Variants in PRKN observed in about 807,000 individuals in gnomAD.
PRKN encodes parkin RBR E3 ubiquitin protein ligase, also known as E3 ubiquitin-protein ligase parkin.
A neutral mutation model predicts 59.5 loss-of-function variants in PRKN; 56 were observed. The ratio of observed to expected loss-of-function variants is 0.94; its 90% CI spans 0.76 to 1.18. The LOEUF is 1.18. Ranked by LOEUF, PRKN falls within the 50% of genes most tolerant of loss-of-function variation. The pLI, the probability that PRKN is intolerant of heterozygous loss-of-function variation, is 0.00. For missense variants in PRKN, 657 were observed against 596.4 expected (o/e 1.10, Z -1.06); for synonymous variants, 250 against 222.1 (o/e 1.13, Z -1.12).
intron 4 of PRKN, among the ~76,000 whole-genome samples, chr6:162,177,653 A>T (rs773131087): frequency 6.6e-6 from 1 of 152,196 alleles, no homozygotes; most frequent in Non-Finnish European, 1.5e-5. Context: ...AAGCGAAAAA[A>T]AAAATAAAAG....
At chr6:161,684,745 T>C (rs1785492369) in intron 7 of PRKN, among the ~76,000 whole-genome samples, 1 of 152,114 alleles carries the variant, frequency 6.6e-6, no homozygotes, top group Admixed American at 6.5e-5. Flanking sequence ...CAACAATTAT[T>C]TCACTAAAGT....
intron 7 of PRKN, among the ~76,000 whole-genome samples, chr6:161,599,035 G>A (rs1782016832): frequency 6.6e-6 from 1 of 152,148 alleles, no homozygotes; most frequent in Non-Finnish European, 1.5e-5. Flanking sequence ...CTGTCTGAGT[G>A]ATGCAGCCAC....
chr6:161,973,263 C>A, intron 6 of PRKN, 39 bp downstream of exon 6: 2 of 1,300,236 alleles, frequency 1.5e-6, no homozygotes, highest in African/African-American at 1.5e-5. Context: ...CCTTACCTCA[C>A]GTCCGTGGAG....
intron 9 of PRKN, among the ~76,000 whole-genome samples, chr6:161,403,496 A>C (rs1226840375): frequency 6.6e-6 from 1 of 152,126 alleles, no homozygotes; most frequent in Non-Finnish European, 1.5e-5. Flanking sequence ...TATTGTTCCA[A>C]ATCAAATCAT....
chr6:161,614,944 G>A (rs539014491), intron 7 of PRKN, among the ~76,000 whole-genome samples: 2 of 144,484 alleles, frequency 1.4e-5, no homozygotes, highest in African/African-American at 2.7e-5. Context: ...CTTATTTTTA[G>A]TTTTCTGGGA....
At position 161,369,116 on chromosome 6, in the gene PRKN, C is replaced by G. The variant is rs549137965; in HGVS notation, c.1168-8911G>C. Among the ~76,000 whole-genome samples, 1 of 152,158 alleles carries G rather than the reference C, an allele frequency of 6.6e-6. No homozygotes were observed. Among genetic ancestry groups the G allele is most frequent in the East Asian group, 1.9e-4 (1 of 5,174 alleles). ...GGTTTAGACCTTTGACTGCCACTTCCGAGAGGGGATTTCTACCAGGAGGAG... is the reference window on the plus strand; with the variant it reads ...GGTTTAGACCTTTGACTGCCACTTCGGAGAGGGGATTTCTACCAGGAGGAG... On this transcript the variant is annotated intron_variant, in intron 10 of 11. Coordinates refer to ENST00000366898, the MANE Select transcript of PRKN (RefSeq NM_004562.3). The surrounding 1 kb of genome is among the most constrained non-coding windows in gnomAD (Gnocchi z 5.8).
rs555620366 is a variant in PRKN, at chr6:162,512,271, G to C, written c.8-68798C>G. 2.6e-5 allele frequency among the ~76,000 whole-genome samples: 4 copies of C among 152,176 alleles called. No homozygotes were observed. In the East Asian group the frequency reaches 7.7e-4, roughly 29 times the overall value. On this transcript the variant is annotated intron_variant, in intron 1 of 11. Transcript: ENST00000366898. The stretch of plus-strand genomic sequence containing the variant: ...GATCTGCTAATATGGTCATGGGAGG[G>C]GTGGAAATCAAGCATTAACTATGGA...
intron 7 of PRKN, among the ~76,000 whole-genome samples, chr6:161,666,954 AG>A (rs1480736885): frequency 2.6e-5 from 4 of 152,282 alleles, no homozygotes; most frequent in African/African-American, 9.6e-5. Context: ...TCTGTGCAAG[AG>A]CCAGGCACAT....
chr6:161,537,663 G>A (rs958477019), intron 9 of PRKN, among the ~76,000 whole-genome samples: 2 of 152,114 alleles, frequency 1.3e-5, no homozygotes, highest in Non-Finnish European at 2.9e-5. Flanking sequence ...ATGTTAGCCT[G>A]GATGGTCTCG....
chr6:161,553,987 A>G (rs1376111719), intron 8 of PRKN, among the ~76,000 whole-genome samples: 2 of 152,200 alleles, frequency 1.3e-5, no homozygotes, highest in African/African-American at 4.8e-5. Context: ...AAAAATTTCA[A>G]GACCATAAAT....
At chr6:162,368,467 T>A (rs547012655) in intron 2 of PRKN, among the ~76,000 whole-genome samples, 1 of 152,274 alleles carries the variant, frequency 6.6e-6, no homozygotes, top group Admixed American at 6.5e-5. Flanking sequence ...AACGCAACTA[T>A]TCTTGAAGAC....
At chr6:162,556,387 G>GTGTGTGTGTGTA (rs1779596737) in intron 1 of PRKN, among the ~76,000 whole-genome samples, 3 of 123,556 alleles carry the variant, frequency 2.4e-5, no homozygotes, top group African/African-American at 8.0e-5. Context: ...GTGTGTGTGT[G>GTGTGTGTGTGTA]TGTGTGTGTG....
intron 9 of PRKN, among the ~76,000 whole-genome samples, chr6:161,534,887 C>T (rs983927666): frequency 1.3e-5 from 2 of 152,160 alleles, no homozygotes; most frequent in African/African-American, 2.4e-5. Context: ...CTAAAAACAG[C>T]GTGATTTCTA....
chr6:162,078,847 A>C (rs1411617043), intron 4 of PRKN, among the ~76,000 whole-genome samples: 1 of 148,566 alleles, frequency 6.7e-6, no homozygotes, highest in Non-Finnish European at 1.5e-5. Flanking sequence ...TTACTAAGCA[A>C]GATTATTAAT....
rs886750331 is a variant in PRKN, at chr6:161,377,555, C to T, written c.1167+9239G>A. Among the ~76,000 whole-genome samples, 4 of 152,164 alleles carry T rather than the reference C, an allele frequency of 2.6e-5. No individual in the cohort carries two copies. Among genetic ancestry groups the T allele is most frequent in the Non-Finnish European group, 4.4e-5 (3 of 68,016 alleles). ...GGGTTGAAAGAGTGGTGAGGGGAGA[C>T]CCTGTCAATAAGCAGAGCCTTGGGC... On this transcript the variant is annotated intron_variant, in intron 10 of 11. Coordinates refer to ENST00000366898, the MANE Select transcript of PRKN (RefSeq NM_004562.3). This position sits in a 1 kb window ranked among gnomAD's most constrained non-coding sequence, Gnocchi z 4.2.
At chr6:161,896,456 T>C (rs1172562772) in intron 6 of PRKN, among the ~76,000 whole-genome samples, 1 of 152,144 alleles carries the variant, frequency 6.6e-6, no homozygotes, top group Non-Finnish European at 1.5e-5. Context: ...CAGCCACACC[T>C]ACCAAGATGC....
chr6:161,907,594 T>C (rs915482499), intron 6 of PRKN, among the ~76,000 whole-genome samples: 2 of 152,188 alleles, frequency 1.3e-5, no homozygotes, highest in African/African-American at 2.4e-5. Context: ...CATTGATTTA[T>C]TTTTGTGAAT....
chr6:161,704,783 C>G lies in PRKN; in HGVS notation c.871+80989G>C, dbSNP rs534783233. Among the ~76,000 whole-genome samples the G allele has an allele frequency of 2.0e-5, 3 of 152,246 alleles. No homozygotes were observed. In the South Asian group the frequency reaches 6.2e-4, roughly 32 times the overall value. Reference sequence around the variant, plus strand: ...TATCCAAATGATTCTTCCCATCACCCAGGGCTCAAACGTTGCAATGATCTA... The same window carrying G: ...TATCCAAATGATTCTTCCCATCACCGAGGGCTCAAACGTTGCAATGATCTA... On this transcript the variant is annotated intron_variant, in intron 7 of 11. Transcript: ENST00000366898.
At chr6:162,013,644 C>T (rs1053290507) in intron 5 of PRKN, among the ~76,000 whole-genome samples, 49 of 152,154 alleles carry the variant, frequency 3.2e-4, no homozygotes, top group African/African-American at 9.9e-4. Context: ...ATTCGAGACT[C>T]TTCTTTTTCA....
Sources: allele counts gnomAD v4.1 joint callset (sites outside exome capture counted in the v4.1 genomes callset), GRCh38; gene constraint gnomAD v4.1.1; non-coding constraint Gnocchi (gnomAD v3.1); transcripts MANE v1.5; gene names NCBI Gene and HGNC (gene_info 2026-07-23, HGNC 2026-07-21).